The following OCIAD1 variants were observed in gnomAD, a reference collection of about 807,000 sequenced individuals.
OCIAD1 encodes the protein OCIA domain containing 1.
A neutral mutation model predicts 38.9 loss-of-function variants in OCIAD1; 29 were observed. The ratio of observed to expected loss-of-function variants is 0.74; its 90% confidence interval spans 0.55 to 1.02. The LOEUF (loss-of-function observed/expected upper bound fraction) is 1.02. Among genes scored for constraint, OCIAD1 ranks in the 50% least tolerant of loss-of-function variants. The pLI is 0.00. For missense variants in OCIAD1, 288 were observed against 289.6 expected, an observed-to-expected ratio of 0.99 and a Z score of 0.04; for synonymous variants, 110 against 92.0, an observed-to-expected ratio of 1.20 and a Z score of -1.12.
At chr4:48,858,890 A>T (rs190769479) in intron 8 of OCIAD1, among the ~76,000 whole-genome samples, 198 of 152,330 alleles carry the variant, frequency 1.3e-3, no homozygotes, top group Middle Eastern at 6.8e-3. Flanking sequence ...ATTTTTTGAT[A>T]CAAGTTTACC....
chr4:48,850,334 C>T (rs1215137429), intron 6 of OCIAD1, among the ~76,000 whole-genome samples: 3 of 152,208 alleles, frequency 2.0e-5, no homozygotes, highest in Non-Finnish European at 4.4e-5. Flanking sequence ...TCCTAGCTCA[C>T]TGCAGCCTCA....
chr4:48,842,803 G>A, intron 4 of OCIAD1, 114 bp downstream of exon 4: 1 of 579,054 alleles, frequency 1.7e-6, no homozygotes, highest in Admixed American at 3.8e-5. Context: ...TAAACACTAT[G>A]TAGAAATTCA....
At chr4:48,833,370 T>A (rs769988706) in intron 2 of OCIAD1, 31 bp from the exon 3 acceptor site, 11 of 1,305,186 alleles carry the variant, frequency 8.4e-6, no homozygotes, top group African/African-American at 4.4e-5. Context: ...TATGGATAAT[T>A]TAATGTTTTC....
intron 4 of OCIAD1, among the ~76,000 whole-genome samples, chr4:48,848,050 G>A (rs1337832628): frequency 7.3e-6 from 1 of 137,198 alleles, no homozygotes; most frequent in Non-Finnish European, 1.6e-5. Context: ...GGTTTTGAGC[G>A]TTTTTTTTTT....
In OCIAD1 at chr4:48,834,450, G is replaced by C. The variant is rs1181761818; in HGVS notation, c.139+969G>C. On this transcript the variant is annotated intron_variant, in intron 3 of 8. Transcript: ENST00000264312. ...CCCAAAGTGCTGGGATTATAGGCGTGAGCCACCATGCCTGGCAAATTTTTT... is the reference window on the plus strand; with the variant it reads ...CCCAAAGTGCTGGGATTATAGGCGTCAGCCACCATGCCTGGCAAATTTTTT... Among the ~76,000 whole-genome samples the C allele has an allele frequency of 3.3e-5, 5 of 152,344 alleles. No homozygotes were observed. The East Asian group carries it at 5.8e-4, about 18-fold the overall frequency.
chr4:48,830,828 A>G (rs1456283806), upstream of OCIAD1, among the ~76,000 whole-genome samples: 2 of 152,106 alleles, frequency 1.3e-5, no homozygotes, highest in Admixed American at 1.3e-4. Context: ...AAGACCAGAG[A>G]GGTGCATCAC....
At chr4:48,845,400 A>G (rs774414680) in intron 4 of OCIAD1, among the ~76,000 whole-genome samples, 19 of 152,240 alleles carry the variant, frequency 1.2e-4, no homozygotes, top group Non-Finnish European at 2.4e-4. Flanking sequence ...CCAACGTTAC[A>G]TAACTTTAAC....
intron 7 of OCIAD1, 180 bp downstream of exon 7, chr4:48,852,155 G>A: frequency 1.9e-6 from 1 of 528,628 alleles, no homozygotes; most frequent in Non-Finnish European, 3.3e-6. Context: ...GGACCAGTAG[G>A]TGTCAAGGAC....
Position 48,822,130 on chromosome 4 carries a change from T to C in OCIAD1, c.-102-8447T>C, listed in dbSNP as rs184841900. Reference sequence around the variant, plus strand: ...GAACAAAGCTGGAGGCATCATGCTATCTGACTTCAAACTATACTACAAGGC... The same window carrying C: ...GAACAAAGCTGGAGGCATCATGCTACCTGACTTCAAACTATACTACAAGGC... On this transcript the variant is annotated intron_variant, in intron 1 of 6. Transcript: ENST00000504654. 2.5e-3 allele frequency among the ~76,000 whole-genome samples: 379 copies of C among 152,056 alleles called. 2 individuals carry two copies. Among genetic ancestry groups the C allele is most frequent in the Non-Finnish European group, 3.8e-3 (256 of 67,900 alleles).
At chr4:48,849,764 C>T (rs1235177118) in intron 5 of OCIAD1, among the ~76,000 whole-genome samples, 183 bp from the exon 6 acceptor site, 2 of 152,070 alleles carry the variant, frequency 1.3e-5, no homozygotes, top group East Asian at 3.8e-4. Flanking sequence ...TATCCATAGA[C>T]TCTGTATATG....
At chr4:48,829,040 C>T (rs1777284163), upstream of OCIAD1, among the ~76,000 whole-genome samples, 1 of 152,152 alleles carries the variant, frequency 6.6e-6, no homozygotes, top group African/African-American at 2.4e-5. Context: ...GTGGGCAGAT[C>T]ACTTGAGGCC....
In OCIAD1 at chr4:48,848,435, C is replaced by A; in HGVS notation, c.230C>A (p.Pro77His). ...LSSHPKYGSI[P>H]KLILACIMGY... is the part of the protein sequence containing the mutation. The stretch of plus-strand genomic sequence containing the variant: ...AGTCATCCCAAATATGGTTCCATCC[C>A]TAAACTTATACGTAAGTATGAACAA... Residue 77 changes from proline (P) to histidine (H), a missense_variant, in exon 5 of 9, where the codon CCT becomes CAT. Coordinates refer to ENST00000264312, the MANE Select transcript of OCIAD1 (RefSeq NM_017830.4). 6.7e-7 allele frequency: 1 copy of A among 1,485,006 alleles called. No individual in the cohort carries two copies. Among genetic ancestry groups the A allele is most frequent in the Non-Finnish European group, 9.3e-7 (1 of 1,071,084 alleles). The allele number at this position is 1,485,006 out of a possible 1,614,324, so 92.0% of individuals were successfully genotyped here. A position where few individuals can be genotyped will look rare whatever the true frequency, so the allele number is the denominator to read the frequency against.
At position 48,851,945 on chromosome 4, in the gene OCIAD1, C is replaced by G; in HGVS notation, c.517C>G (p.Pro173Ala). Residue 173 changes from proline to alanine, a missense_variant, in exon 7 of 9, where the codon CCC becomes GCC. Coordinates refer to ENST00000264312, the MANE Select transcript of OCIAD1 (RefSeq NM_017830.4). ...CAGTTCTTCTATGAATGAATCTGCTCCCACTGGTATTACTGATCATATTGT... is the reference window on the plus strand; with the variant it reads ...CAGTTCTTCTATGAATGAATCTGCTGCCACTGGTATTACTGATCATATTGT... The part of the protein sequence containing the change: ...PFSSSMNESA[P>A]TGITDHIVQG... 6.2e-7 allele frequency: 1 copy of G among 1,608,640 alleles called. No individual in the cohort carries two copies. The highest frequency in any genetic ancestry group is 8.5e-7 in the Non-Finnish European group (1 of 1,175,792).
chr4:48,834,872 C>T (rs1777845878), intron 3 of OCIAD1, among the ~76,000 whole-genome samples: 1 of 152,136 alleles, frequency 6.6e-6, no homozygotes, highest in African/African-American at 2.4e-5. Context: ...GTGCAAGGTA[C>T]CTGTTGGGAA....
At chr4:48,842,946 G>C (rs1778665356) in intron 4 of OCIAD1, among the ~76,000 whole-genome samples, 1 of 151,998 alleles carries the variant, frequency 6.6e-6, no homozygotes, top group Non-Finnish European at 1.5e-5. Flanking sequence ...GTATTAGCAG[G>C]GCAAACCTGG....
chr4:48,857,200 TTTG>T lies in OCIAD1; in HGVS notation c.548-7_548-5del. On this transcript the variant is annotated splice_polypyrimidine_tract_variant and intron_variant, in intron 7 of 8. Coordinates refer to ENST00000264312, the MANE Select transcript of OCIAD1 (RefSeq NM_017830.4). ...TCCTTTTATTACCATTTATTAACTG[TTTG>T]TTGTTTTAGGACCTGATCCCAACCT... 1 of 1,503,990 alleles carries T rather than the reference TTTG, an allele frequency of 6.6e-7. No individual in the cohort carries two copies. Among genetic ancestry groups the T allele is most frequent in the South Asian group, 1.4e-5 (1 of 73,306 alleles). 93.2% of individuals were successfully genotyped at this position (1,503,990 alleles called of 1,614,324 possible). A position where few individuals can be genotyped will look rare whatever the true frequency, so the allele number is the denominator to read the frequency against.
chr4:48,834,028 A>G (rs1261312827), intron 3 of OCIAD1, among the ~76,000 whole-genome samples: 1 of 152,174 alleles, frequency 6.6e-6, no homozygotes, highest in Non-Finnish European at 1.5e-5. Context: ...GTATATATAT[A>G]TATCAAGATT....
chr4:48,838,147 G>T (rs1450498107), intron 3 of OCIAD1, among the ~76,000 whole-genome samples: 1 of 151,834 alleles, frequency 6.6e-6, no homozygotes, highest in Non-Finnish European at 1.5e-5. Context: ...GTGAAACCCC[G>T]TCTCTACTAA....
intron 1 of OCIAD1, among the ~76,000 whole-genome samples, chr4:48,823,298 C>G (rs1777212680): frequency 6.6e-6 from 1 of 152,018 alleles, no homozygotes; most frequent in South Asian, 2.1e-4. Context: ...GAACGGAAAA[C>G]CAAACACCGC....
Sources: allele counts gnomAD v4.1 joint callset (sites outside exome capture counted in the v4.1 genomes callset), GRCh38; gene constraint gnomAD v4.1.1; transcripts MANE v1.5; gene names NCBI Gene and HGNC (gene_info 2026-07-23, HGNC 2026-07-21).